NPM2: variants seen among roughly 807,000 people sequenced by gnomAD.
NPM2 encodes nucleoplasmin-2.
NPM2 carries 25 observed loss-of-function variants against 32.0 expected under a neutral mutation model. That is an observed-to-expected ratio of 0.78 (90% confidence interval 0.57 to 1.09). The LOEUF is 1.09. Ranked by LOEUF, NPM2 falls within the 50% of genes least tolerant of loss-of-function variation. The pLI, the probability that NPM2 is intolerant of heterozygous loss-of-function variation, is 0.00. For synonymous variants in NPM2, 111 were observed against 94.2 expected (o/e 1.18, Z -1.04); for missense variants, 282 against 259.9 (o/e 1.08, Z -0.58).
At chr8:22,025,342 C>A in intron 3 of NPM2, 36 bp downstream of exon 3, 1 of 1,600,614 alleles carries the variant, frequency 6.2e-7, no homozygotes, top group Non-Finnish European at 8.5e-7. Context: ...CAGAGACACG[C>A]CCCACCTCCG....
At chr8:22,029,950 C>T (rs1448590074) in intron 5 of NPM2, among the ~76,000 whole-genome samples, 2 of 151,142 alleles carry the variant, frequency 1.3e-5, no homozygotes, top group African/African-American at 4.9e-5. Context: ...TTTTTTTTGT[C>T]TGTTCAGGAC....
At position 22,036,864 on chromosome 8, in the gene NPM2, A is replaced by C. The variant is rs1406837036; in HGVS notation, c.*182A>C. Reference sequence around the variant, plus strand: ...CAGGAGGCCCCCAGTGAAGAGCCCCACCTCGGGGTCACAATAAAGTTGCCT... The same window carrying C: ...CAGGAGGCCCCCAGTGAAGAGCCCCCCCTCGGGGTCACAATAAAGTTGCCT... On this transcript the variant is annotated 3_prime_UTR_variant, in exon 10 of 10. Transcript: ENST00000518119. 1.2e-5 allele frequency: 7 copies of C among 602,470 alleles called. No individual in the cohort carries two copies. The highest frequency in any genetic ancestry group is 2.0e-5 in the Non-Finnish European group (7 of 355,910). The allele number at this position is 602,470 out of a possible 1,614,324, so 37.3% of individuals were successfully genotyped here.
chr8:22,027,668 G>T (rs1360811636), intron 5 of NPM2, among the ~76,000 whole-genome samples: 2 of 150,818 alleles, frequency 1.3e-5, no homozygotes, highest in East Asian at 3.9e-4. Context: ...GTGCAATGGT[G>T]CGCTCTCGGC....
rs185487248 is a variant in NPM2, at chr8:22,033,953, G to A, written c.365-156G>A. ...TGTTGGGAGGGCCAGAAAGGGTGCC[G>A]CCCTGTACAGGTGGCAGGCAGGTAA... is the stretch of plus-strand genomic sequence containing the variant. On this transcript the variant is annotated intron_variant, in intron 6 of 9. Transcript: ENST00000518119. 1.9e-3 allele frequency among the ~76,000 whole-genome samples: 291 copies of A among 152,254 alleles called. 1 individual carries two copies. Among genetic ancestry groups the A allele is most frequent in the African/African-American group, 6.7e-3 (279 of 41,552 alleles).
In NPM2 at chr8:22,024,545, T is replaced by G. The variant is rs1418296337; in HGVS notation, c.-219T>G. 1 of 151,976 alleles carries G rather than the reference T, an allele frequency of 6.6e-6. No homozygotes were observed. Among genetic ancestry groups the G allele is most frequent in the African/African-American group, 2.4e-5 (1 of 41,306 alleles). 9.4% of individuals were successfully genotyped at this position (151,976 alleles called of 1,614,324 possible). On this transcript the variant is annotated 5_prime_UTR_variant, in exon 1 of 10. The change creates a new upstream start codon in the 5' untranslated region. Transcript: ENST00000518119. Reference sequence around the variant, plus strand: ...CTGGGAACTGGTTAGAACTACAAATTCCCTCGGCCCCACCCAGACCGACGC... The same window carrying G: ...CTGGGAACTGGTTAGAACTACAAATGCCCTCGGCCCCACCCAGACCGACGC...
Position 22,030,778 on chromosome 8 carries a change from C to G in NPM2, c.271-2352C>G, listed in dbSNP as rs190845115. 3.9e-5 allele frequency among the ~76,000 whole-genome samples: 6 copies of G among 152,208 alleles called. No individual in the cohort carries two copies. The East Asian group carries it at 1.2e-3, about 29-fold the overall frequency. On this transcript the variant is annotated intron_variant, in intron 5 of 9. Coordinates refer to ENST00000518119, the MANE Select transcript of NPM2 (RefSeq NM_001286680.2). Reference sequence around the variant, plus strand: ...CACTGCAGCCTTGAACTCCTGAGTTCAAGCGATCTTCCGGCCTCAGCCCCC... The same window carrying G: ...CACTGCAGCCTTGAACTCCTGAGTTGAAGCGATCTTCCGGCCTCAGCCCCC...
chr8:22,025,455 G>A lies in NPM2; in HGVS notation c.78G>A (p.Glu26=), dbSNP rs1275660265. ...TVLWGCELSQ[E]RRTWTFRPQL... ...CCGCAGGCTGCGAGCTCAGTCAGGA[G>A]AGGCGGACTTGGACCTTCAGACCCC... The change falls in exon 4 of 10, where the codon GAG becomes GAA. Residue 26 remains glutamate, a synonymous_variant. Coordinates refer to ENST00000518119, the MANE Select transcript of NPM2 (RefSeq NM_001286680.2). The A allele has an allele frequency of 6.2e-7, 1 of 1,614,142 alleles. No individual in the cohort carries two copies. The highest frequency in any genetic ancestry group is 1.1e-5 in the South Asian group (1 of 91,068).
intron 5 of NPM2, among the ~76,000 whole-genome samples, chr8:22,028,725 G>A (rs192029021): frequency 8.7e-4 from 132 of 152,280 alleles, no homozygotes; most frequent in African/African-American, 3.1e-3. Context: ...AGCCGAGAGT[G>A]TATTATGGCC....
rs774286950 is a variant in NPM2, at chr8:22,033,099, G to A, written c.271-31G>A. ...CCCCGAGAGGTGCCAGGCCTAAGTG[G>A]CCCTGTCTTCTCTGCTTCCTCCCCC... On this transcript the variant is annotated intron_variant, in intron 5 of 9. Transcript: ENST00000518119. 5 of 1,553,232 alleles carry A rather than the reference G, an allele frequency of 3.2e-6. No homozygotes were observed. In the African/African-American group the frequency reaches 5.4e-5, roughly 17 times the overall value.
chr8:22,034,751 C>G (rs995924088), intron 8 of NPM2, among the ~76,000 whole-genome samples: 21 of 152,178 alleles, frequency 1.4e-4, no homozygotes, highest in Non-Finnish European at 2.5e-4. Context: ...GGATCTAATT[C>G]CAGTGAAGGC....
At chr8:22,031,052 G>T (rs756924270) in intron 5 of NPM2, among the ~76,000 whole-genome samples, 3 of 152,092 alleles carry the variant, frequency 2.0e-5, no homozygotes, top group Admixed American at 1.3e-4. Context: ...GAGTGGTTTC[G>T]TGTTTGCTTC....
chr8:22,034,198 G>A lies in NPM2; in HGVS notation c.454G>A (p.Asp152Asn), dbSNP rs766086553. The change falls in exon 7 of 10, where the codon GAT (aspartate) becomes AAT (asparagine). Residue 152 changes from aspartate to asparagine, a missense_variant. By Grantham distance (23) the Asp-to-Asn change is conservative. Transcript: ENST00000518119. The part of the protein sequence containing the change: ...EEEDDEDEDA[D>N]ISLEEQSPVK... ...GGAAGATGATGAGGATGAGGATGCAGATATATCTCTGGAGGAGCAAAGCCC... is the reference window on the plus strand; with the variant it reads ...GGAAGATGATGAGGATGAGGATGCAAATATATCTCTGGAGGAGCAAAGCCC... 1.9e-6 allele frequency: 3 copies of A among 1,613,080 alleles called. No homozygotes were observed. Among genetic ancestry groups the A allele is most frequent in the Admixed American group, 3.3e-5 (2 of 59,936 alleles).
At chr8:22,025,543 G>C in intron 4 of NPM2, 22 bp downstream of exon 4, 1 of 1,613,790 alleles carries the variant, frequency 6.2e-7, no homozygotes, top group African/African-American at 1.3e-5. Flanking sequence ...CAAAAGAGGG[G>C]AGGAAGATGG....
At position 22,025,587 on chromosome 8, in the gene NPM2, A is replaced by G. The variant is rs1800218168; in HGVS notation, c.145-60A>G. ...AACTTTCTGGTCCCAACGGAGGGCT[A>G]TGGATTTCTCCCGTCGGCCCTCAGG... On this transcript the variant is annotated intron_variant, in intron 4 of 9. Transcript: ENST00000518119. 3 of 1,613,702 alleles carry G rather than the reference A, an allele frequency of 1.9e-6. No homozygotes were observed. In the Admixed American group the frequency reaches 5.0e-5, roughly 27 times the overall value.
intron 5 of NPM2, 81 bp downstream of exon 5, chr8:22,025,853 C>A: frequency 1.9e-6 from 3 of 1,576,336 alleles, no homozygotes; most frequent in South Asian, 2.2e-5. Flanking sequence ...CACGAGGGTG[C>A]ATTCACCCTA....
intron 5 of NPM2, among the ~76,000 whole-genome samples, chr8:22,030,238 T>G (rs763677605): frequency 3.9e-5 from 6 of 152,182 alleles, no homozygotes; most frequent in Admixed American, 6.5e-5. Context: ...TGATCAGGTT[T>G]TCTTTTATTT....
intron 5 of NPM2, among the ~76,000 whole-genome samples, chr8:22,028,612 G>A (rs1482063600): frequency 6.6e-6 from 1 of 151,782 alleles, no homozygotes; most frequent in Non-Finnish European, 1.5e-5. Flanking sequence ...TTATAGGCGT[G>A]AGCCACTATG....
chr8:22,035,296 C>T (rs1387718829), intron 8 of NPM2, among the ~76,000 whole-genome samples: 1 of 152,154 alleles, frequency 6.6e-6, no homozygotes, highest in Non-Finnish European at 1.5e-5. Flanking sequence ...TTTAATGAGA[C>T]AGGGTTTTGC....
At position 22,033,191 on chromosome 8, in the gene NPM2, G is replaced by A. The variant is rs771848439; in HGVS notation, c.332G>A (p.Gly111Glu). Reference protein sequence around the residue: ...PVTFQLRAGSGPVFLSGQERY... With the variant: ...PVTFQLRAGSEPVFLSGQERY... ...ACTTTCCAGCTCCGGGCTGGCTCAG[G>A]ACCCGTGTTCCTCAGTGGCCAGGAA... The change falls in exon 6 of 10, where the codon GGA becomes GAA. Residue 111 changes from glycine to glutamate, a missense_variant. Coordinates refer to ENST00000518119, the MANE Select transcript of NPM2 (RefSeq NM_001286680.2). 5.6e-6 allele frequency: 9 copies of A among 1,613,990 alleles called. No individual in the cohort carries two copies. In the African/African-American group the frequency reaches 1.1e-4, roughly 19 times the overall value.
Sources: allele counts gnomAD v4.1 joint callset (sites outside exome capture counted in the v4.1 genomes callset), GRCh38; gene constraint gnomAD v4.1.1; transcripts MANE v1.5; gene names NCBI Gene and HGNC (gene_info 2026-07-23, HGNC 2026-07-21).